The following PHAF1 variants were observed in gnomAD, a reference collection of about 807,000 sequenced individuals.
PHAF1 encodes the protein phagosome assembly factor 1.
PHAF1 carries 23 observed loss-of-function variants against 63.1 expected under a neutral mutation model. The observed-to-expected ratio is 0.36, with a 90% CI of 0.26 to 0.52. The LOEUF (loss-of-function observed/expected upper bound fraction) is 0.52, where lower values mean the gene tolerates loss of function less well. Among genes scored for constraint, PHAF1 ranks in the 20% least tolerant of loss-of-function variants. The pLI is 0.93. For missense variants in PHAF1, 427 were observed against 517.2 expected, an observed-to-expected ratio of 0.83 and a Z score of 1.69; for synonymous variants, 167 against 185.0, an observed-to-expected ratio of 0.90 and a Z score of 0.79.
chr16:67,135,469 T>TTTTTG lies in PHAF1; in HGVS notation c.661+1024_661+1028dup, dbSNP rs112386297. 943 of 152,360 alleles carry TTTTTG rather than the reference T, an allele frequency of 6.2e-3. 12 individuals are homozygous for TTTTTG. The highest frequency in any genetic ancestry group is 0.014 in the African/African-American group (585 of 41,466). 9.4% of individuals were successfully genotyped at this position (152,360 alleles called of 1,614,324 possible). On this transcript the variant is annotated intron_variant, in intron 8 of 15. Coordinates refer to ENST00000219139, the MANE Select transcript of PHAF1 (RefSeq NM_025187.5). ...CCAGCTCTCCCCTTTTTTCTACCTT[T>TTTTTG]TTTTGTTTTGTTTTGTTTTGTTTTG...
At position 67,147,512 on chromosome 16, in the gene PHAF1, G is replaced by A. The variant is rs1015908229; in HGVS notation, c.*381G>A. On this transcript the variant is annotated 3_prime_UTR_variant, in exon 16 of 16. Transcript: ENST00000219139. The stretch of plus-strand genomic sequence containing the variant: ...CACAGGCACCCAGGATAAGGACAAG[G>A]TCCTGCCTTTGGCTCCACATTGCCA... The A allele has an allele frequency of 9.3e-6, 2 of 214,368 alleles. No individual in the cohort carries two copies. Among genetic ancestry groups the A allele is most frequent in the African/African-American group, 4.6e-5 (2 of 43,760 alleles). The allele number at this position is 214,368 out of a possible 1,614,324, so 13.3% of individuals were successfully genotyped here. A position where few individuals can be genotyped will look rare whatever the true frequency, so the allele number is the denominator to read the frequency against.
chr16:67,143,454 A>G (rs1476127794), intron 10 of PHAF1, among the ~76,000 whole-genome samples: 1 of 152,160 alleles, frequency 6.6e-6, no homozygotes, highest in Non-Finnish European at 1.5e-5. Flanking sequence ...TTGGCCTCCC[A>G]AAGTCCTGAG....
In PHAF1 at chr16:67,140,588, T is replaced by G. The variant is rs1963772230; in HGVS notation, c.873T>G (p.Leu291=). The G allele has an allele frequency of 6.3e-7, 1 of 1,584,570 alleles. No individual in the cohort carries two copies. Among genetic ancestry groups the G allele is most frequent in the Non-Finnish European group, 8.7e-7 (1 of 1,153,192 alleles). The change falls in exon 10 of 16, where the codon CTT becomes CTG. Residue 291 remains leucine (L), a synonymous_variant. Transcript: ENST00000219139. ...ACTACTTTTTTAACTACTTCACTCTTGGAGTGGTAAGTTGTGATTCCTCAG... is the reference window on the plus strand; with the variant it reads ...ACTACTTTTTTAACTACTTCACTCTGGGAGTGGTAAGTTGTGATTCCTCAG... The part of the protein sequence containing the change: ...CNDYFFNYFT[L]GVDILFDANT...
rs1176680986 is a variant in PHAF1 at position 67,132,510 on chromosome 16, G to A, written c.340G>A (p.Ala114Thr). 5.0e-6 allele frequency: 8 copies of A among 1,613,906 alleles called. No homozygotes were observed. Among genetic ancestry groups the A allele is most frequent in the East Asian group, 2.2e-5 (1 of 44,890 alleles). Residue 114 changes from alanine (A) to threonine (T), a missense_variant, in exon 5 of 16, where the codon GCA (alanine) becomes ACA (threonine). By Grantham distance (58) the Ala-to-Thr change is moderately conservative (BLOSUM62 0). Coordinates refer to ENST00000219139, the MANE Select transcript of PHAF1 (RefSeq NM_025187.5). ...TGAACAGATTGACCAGTCTTTTGGC[G>A]CAACCCATCCTGGAGGTAAGCCAAG... ...TIEQIDQSFG[A>T]THPGVYNSAE...
chr16:67,116,213 T>C (rs1962725998), intron 1 of PHAF1, among the ~76,000 whole-genome samples: 1 of 152,216 alleles, frequency 6.6e-6, no homozygotes, highest in African/African-American at 2.4e-5. Context: ...GAGTCCCTAC[T>C]GTGGGCCAGG....
At chr16:67,145,189 C>A (rs1192080386) in intron 12 of PHAF1, among the ~76,000 whole-genome samples, 187 bp from the exon 13 acceptor site, 1 of 152,112 alleles carries the variant, frequency 6.6e-6, no homozygotes, top group East Asian at 1.9e-4. Context: ...TGTTGTTGCT[C>A]ACACCTGACT....
At chr16:67,144,254 G>C in intron 10 of PHAF1, 40 bp from the exon 11 acceptor site, 1 of 1,493,502 alleles carries the variant, frequency 6.7e-7, no homozygotes, top group South Asian at 1.1e-5. Context: ...CCCTGCCTCA[G>C]TAACATTCCC....
At chr16:67,135,378 C>T (rs1963569426) in intron 8 of PHAF1, 1 of 152,126 alleles carries the variant, frequency 6.6e-6, no homozygotes, top group South Asian at 2.1e-4. Context: ...GAACTCCTGA[C>T]CTCATGATCC....
intron 1 of PHAF1, among the ~76,000 whole-genome samples, chr16:67,118,559 A>C (rs1286070994): frequency 2.9e-5 from 4 of 137,796 alleles, no homozygotes; most frequent in African/African-American, 1.1e-4. Flanking sequence ...TTGGTCTTGA[A>C]CTTCTAACCT....
Position 67,145,404 on chromosome 16 carries a change from C to T in PHAF1, c.1035C>T (p.Cys345=). 1 of 1,614,144 alleles carries T rather than the reference C, an allele frequency of 6.2e-7. No homozygotes were observed. The highest frequency in any genetic ancestry group is 8.5e-7 in the Non-Finnish European group (1 of 1,180,012). ...KENADGQTET[C]TTYSKWDNIQ... ...ACGCAGATGGTCAGACAGAAACATG[C>T]ACGACCTACAGCAAGGTGAGCACCT... Residue 345 remains cysteine (C), a synonymous_variant, in exon 13 of 16, where the codon TGC becomes TGT. Coordinates refer to ENST00000219139, the MANE Select transcript of PHAF1 (RefSeq NM_025187.5).
intron 10 of PHAF1, among the ~76,000 whole-genome samples, chr16:67,143,060 G>A (rs56979431): frequency 0.035 from 5,283 of 152,220 alleles, 308 homozygotes; most frequent in African/African-American, 0.12. Flanking sequence ...AGCTGGAAAG[G>A]GTAGGGGATA....
intron 14 of PHAF1, 135 bp from the exon 15 acceptor site, chr16:67,146,143 G>A (rs1360901213): frequency 6.0e-6 from 5 of 827,002 alleles, no homozygotes; most frequent in Middle Eastern, 2.3e-4. Context: ...TTGCAGGCCT[G>A]TGTGGGAAAC....
intron 1 of PHAF1, among the ~76,000 whole-genome samples, chr16:67,116,928 G>A (rs1471953139): frequency 2.0e-5 from 3 of 152,162 alleles, no homozygotes; most frequent in Non-Finnish European, 4.4e-5. Context: ...GTGAACAGCA[G>A]ATACATTGTT....
chr16:67,115,428 G>A (rs1962697043), intron 1 of PHAF1, among the ~76,000 whole-genome samples: 1 of 152,256 alleles, frequency 6.6e-6, no homozygotes, highest in South Asian at 2.1e-4. Context: ...TCAGAAGCCT[G>A]AGGTGAGAAG....
At chr16:67,135,687 A>T (rs1963579254) in intron 8 of PHAF1, 1 of 151,750 alleles carries the variant, frequency 6.6e-6, no homozygotes, top group South Asian at 2.1e-4. Context: ...ACCCAGAATG[A>T]TCTTGAACTC....
chr16:67,140,066 T>C lies in PHAF1; in HGVS notation c.744T>C (p.Val248=), dbSNP rs1181627907. 2 of 1,614,002 alleles carry C rather than the reference T, an allele frequency of 1.2e-6. No individual in the cohort carries two copies. Among genetic ancestry groups the C allele is most frequent in the Non-Finnish European group, 1.7e-6 (2 of 1,180,008 alleles). The part of the protein sequence containing the change: ...SVYFGDSCQD[V]LSMLGSPHKV... ...ATTTTGGTGATTCCTGCCAAGATGTTCTTAGCATGCTTGGCTCTCCACACA... is the reference window on the plus strand; with the variant it reads ...ATTTTGGTGATTCCTGCCAAGATGTCCTTAGCATGCTTGGCTCTCCACACA... The change falls in exon 9 of 16, where the codon GTT becomes GTC. Residue 248 remains valine (V), a synonymous_variant. Coordinates refer to ENST00000219139, the MANE Select transcript of PHAF1 (RefSeq NM_025187.5).
chr16:67,146,369 A>G lies in PHAF1; in HGVS notation c.1182+19A>G, dbSNP rs769352142. Reference sequence around the variant, plus strand: ...CTTTGAGGTAAGCTGTGGAAGCCCTAGAAATAAACTGCCTGGGGGGTTGCT... The same window carrying G: ...CTTTGAGGTAAGCTGTGGAAGCCCTGGAAATAAACTGCCTGGGGGGTTGCT... On this transcript the variant is annotated intron_variant, in intron 15 of 15. Transcript: ENST00000219139. The G allele has an allele frequency of 6.2e-7, 1 of 1,608,886 alleles. No individual in the cohort carries two copies. The highest frequency in any genetic ancestry group is 8.5e-7 in the Non-Finnish European group (1 of 1,175,306).
chr16:67,146,168 A>G, intron 14 of PHAF1, 110 bp from the exon 15 acceptor site: 1 of 975,148 alleles, frequency 1.0e-6, no homozygotes, highest in South Asian at 1.3e-5. Context: ...AGACACTCAC[A>G]GCCATGAGAG....
chr16:67,140,085 C>T lies in PHAF1; in HGVS notation c.763C>T (p.Pro255Ser), dbSNP rs1216928627. 3.7e-6 allele frequency: 6 copies of T among 1,614,054 alleles called. No homozygotes were observed. The highest frequency in any genetic ancestry group is 5.1e-6 in the Non-Finnish European group (6 of 1,180,012). Residue 255 changes from proline to serine, a missense_variant, in exon 9 of 16, where the codon CCA (proline) becomes TCA (serine). Physicochemically the swap from Pro to Ser is moderately conservative, Grantham distance 74 (BLOSUM62 -1). Transcript: ENST00000219139. ...CQDVLSMLGS[P>S]HKVFYKSEDK... is the part of the protein sequence containing the mutation. ...AGATGTTCTTAGCATGCTTGGCTCT[C>T]CACACAAAGTCTTCTATAAATCAGA...
Sources: gnomAD v4.1 joint callset for allele counts (sites outside exome capture counted in the v4.1 genomes callset) on GRCh38, gnomAD v4.1.1 for gene constraint, MANE v1.5 for transcripts, NCBI Gene and HGNC (gene_info 2026-07-23, HGNC 2026-07-21) for gene names.